NLK: variants seen among roughly 807,000 people sequenced by gnomAD.
NLK encodes nemo like kinase.
NLK carries 11 observed loss-of-function variants against 59.0 expected under a neutral mutation model. That is an observed-to-expected ratio of 0.19 (90% CI 0.12 to 0.31). The LOEUF (loss-of-function observed/expected upper bound fraction) is 0.31. Among genes scored for constraint, NLK ranks in the 10% least tolerant of loss-of-function variants. The probability of loss-of-function intolerance (pLI) is 1.00; values close to 1 mark genes in which losing one functional copy is unlikely to be tolerated. For missense variants in NLK, 410 were observed against 661.1 expected (o/e 0.62, Z 4.16); for synonymous variants, 235 against 235.9 (o/e 1.00, Z 0.03).
chr17:28,090,236 C>T (rs186172527), intron 1 of NLK, among the ~76,000 whole-genome samples: 1 of 152,320 alleles, frequency 6.6e-6, no homozygotes, highest in Admixed American at 6.5e-5. Flanking sequence ...ATATCCATTT[C>T]TCACCTTCCA....
intron 2 of NLK, among the ~76,000 whole-genome samples, chr17:28,128,122 A>G (rs1037280163): frequency 6.6e-6 from 1 of 152,194 alleles, no homozygotes; most frequent in Non-Finnish European, 1.5e-5. Flanking sequence ...AAAATGGATC[A>G]TAGACTTAAA....
intron 3 of NLK, among the ~76,000 whole-genome samples, chr17:28,143,676 G>A (rs914516609): frequency 3.3e-5 from 5 of 152,114 alleles, no homozygotes; most frequent in African/African-American, 9.7e-5. Context: ...TCATTAGAAC[G>A]TCATACAGCA....
intron 5 of NLK, among the ~76,000 whole-genome samples, chr17:28,165,579 A>AT: frequency 6.6e-6 from 1 of 152,304 alleles, no homozygotes; most frequent in East Asian, 1.9e-4. Context: ...ATAACAAAAC[A>AT]TTTTTTAAAA....
Position 28,178,877 on chromosome 17 carries a change from TTGAA to T in NLK, c.1149+6264_1149+6267del, listed in dbSNP as rs1908786644. Among the ~76,000 whole-genome samples, 8 of 152,262 alleles carry T rather than the reference TTGAA, an allele frequency of 5.3e-5. No homozygotes were observed. In the South Asian group the frequency reaches 1.7e-3, roughly 32 times the overall value. ...GCTAAGGTCTAAAACTTACATGTAG[TTGAA>T]TGAAAACTAATAGGAACGTCTGCTC... is the stretch of plus-strand genomic sequence containing the variant. On this transcript the variant is annotated intron_variant, in intron 7 of 10. Coordinates refer to ENST00000407008, the MANE Select transcript of NLK (RefSeq NM_016231.5).
intron 3 of NLK, among the ~76,000 whole-genome samples, chr17:28,151,834 G>A (rs998797834): frequency 1.6e-4 from 24 of 152,200 alleles, no homozygotes; most frequent in Non-Finnish European, 2.8e-4. Context: ...CATGGATCCT[G>A]AAGATAGTGA....
chr17:28,204,228 C>T, the NLK span, among the ~76,000 whole-genome samples: 9 of 152,232 alleles, frequency 5.9e-5, no homozygotes, highest in Non-Finnish European at 1.0e-4. Flanking sequence ...CCAACCCAGT[C>T]ATCCTAGCCC....
chr17:28,171,947 T>C (rs933551308), intron 6 of NLK, among the ~76,000 whole-genome samples: 2 of 151,780 alleles, frequency 1.3e-5, no homozygotes, highest in African/African-American at 4.8e-5. Context: ...GTAGGAACTT[T>C]TAAATAATAG....
At chr17:28,156,695 C>T (rs532670894) in intron 3 of NLK, among the ~76,000 whole-genome samples, 1 of 152,230 alleles carries the variant, frequency 6.6e-6, no homozygotes, top group East Asian at 1.9e-4. Flanking sequence ...TTCTAGTTAA[C>T]TGGTCATTAG....
At chr17:28,124,986 T>A (rs1043790765) in intron 2 of NLK, among the ~76,000 whole-genome samples, 1 of 151,920 alleles carries the variant, frequency 6.6e-6, no homozygotes, top group Admixed American at 6.6e-5. Context: ...AGGCAGAGGT[T>A]GCAGTGAGCC....
intron 2 of NLK, among the ~76,000 whole-genome samples, chr17:28,132,334 T>C (rs934457627): frequency 6.6e-6 from 1 of 152,212 alleles, no homozygotes; most frequent in African/African-American, 2.4e-5. Context: ...ACATTGATTG[T>C]TTAAAATAGG....
At chr17:28,189,166 A>T (rs1909226350) in intron 8 of NLK, among the ~76,000 whole-genome samples, 1 of 152,146 alleles carries the variant, frequency 6.6e-6, no homozygotes, top group African/African-American at 2.4e-5. Flanking sequence ...TTCAGCTGTG[A>T]TTCTATCTTC....
intron 1 of NLK, among the ~76,000 whole-genome samples, chr17:28,046,905 A>G (rs1005508776): frequency 1.3e-5 from 2 of 152,198 alleles, no homozygotes; most frequent in African/African-American, 4.8e-5. Flanking sequence ...TAAAAGATCA[A>G]AAATCCTGGG....
intron 1 of NLK, among the ~76,000 whole-genome samples, chr17:28,067,356 A>G (rs1372441025): frequency 6.6e-6 from 1 of 152,126 alleles, no homozygotes; most frequent in African/African-American, 2.4e-5. Flanking sequence ...AGTTTTAACA[A>G]TTTTTATGTA....
intron 2 of NLK, among the ~76,000 whole-genome samples, chr17:28,126,252 C>G (rs184740605): frequency 2.5e-4 from 38 of 152,274 alleles, no homozygotes; most frequent in African/African-American, 8.9e-4. Flanking sequence ...TTCAAAGATT[C>G]CCTGGAGAGG....
intron 1 of NLK, among the ~76,000 whole-genome samples, chr17:28,088,550 A>G (rs1904365324): frequency 1.3e-5 from 2 of 152,232 alleles, no homozygotes; most frequent in Admixed American, 6.5e-5. Context: ...GTAACCAGTT[A>G]ATTAACTTAT....
At chr17:28,142,315 A>C (rs1907036737) in intron 3 of NLK, among the ~76,000 whole-genome samples, 1 of 152,186 alleles carries the variant, frequency 6.6e-6, no homozygotes, top group Non-Finnish European at 1.5e-5. Flanking sequence ...ACAAAGAAAA[A>C]GAATCTGCCT....
chr17:28,060,749 G>A lies in NLK; in HGVS notation c.458+17418G>A, dbSNP rs533107168. Among the ~76,000 whole-genome samples, 3 of 152,296 alleles carry A rather than the reference G, an allele frequency of 2.0e-5. No homozygotes were observed. The South Asian group carries it at 6.2e-4, about 32-fold the overall frequency. ...CTTTTAAACTGCTAGATATTTTAAA[G>A]TAATAATCCTAGTTGTTGCAGATGT... On this transcript the variant is annotated intron_variant, in intron 1 of 10. Transcript: ENST00000407008.
At chr17:28,061,572 T>A (rs1419376555) in intron 1 of NLK, among the ~76,000 whole-genome samples, 2 of 152,006 alleles carry the variant, frequency 1.3e-5, no homozygotes, top group Non-Finnish European at 2.9e-5. Context: ...AGTCTGTTAT[T>A]CCTTAAAACT....
the NLK span, among the ~76,000 whole-genome samples, chr17:28,202,212 C>T: frequency 3.3e-5 from 5 of 152,080 alleles, no homozygotes; most frequent in African/African-American, 9.7e-5. Flanking sequence ...GCCTGAGCAA[C>T]GTAGTAAGAC....
Sources: gnomAD v4.1 joint callset for allele counts (sites outside exome capture counted in the v4.1 genomes callset) on GRCh38, gnomAD v4.1.1 for gene constraint, MANE v1.5 for transcripts, NCBI Gene and HGNC (gene_info 2026-07-23, HGNC 2026-07-21) for gene names.